PPP2R2C: variants seen among roughly 807,000 people sequenced by gnomAD.
PPP2R2C encodes the protein protein phosphatase 2 regulatory subunit Bgamma.
Under a neutral mutation model 45.3 loss-of-function variants are expected in PPP2R2C, and 10 were observed. The ratio of observed to expected loss-of-function variants is 0.22; its 90% confidence interval spans 0.14 to 0.37. The LOEUF (loss-of-function observed/expected upper bound fraction) is 0.37. Among genes scored for constraint, PPP2R2C ranks in the 10% least tolerant of loss-of-function variants. The pLI is 1.00. For missense variants in PPP2R2C, 308 were observed against 619.7 expected (o/e 0.50, Z 5.34); for synonymous variants, 257 against 245.4 (o/e 1.05, Z -0.44).
intron 1 of PPP2R2C, among the ~76,000 whole-genome samples, chr4:6,440,533 A>C (rs1178545509): frequency 6.6e-6 from 1 of 152,218 alleles, no homozygotes; most frequent in Admixed American, 6.5e-5. Flanking sequence ...GTGGGGACAC[A>C]GAGAGATGTA....
At chr4:6,402,050 G>A (rs1454570987) in intron 1 of PPP2R2C, among the ~76,000 whole-genome samples, 1 of 152,230 alleles carries the variant, frequency 6.6e-6, no homozygotes, top group African/African-American at 2.4e-5. Flanking sequence ...GGTTAATGAT[G>A]TGGTAAGGAT....
chr4:6,541,374 C>A (rs1178988903), intron 1 of PPP2R2C, among the ~76,000 whole-genome samples: 1 of 151,030 alleles, frequency 6.6e-6, no homozygotes, highest in African/African-American at 2.5e-5. Flanking sequence ...GAATACAGGT[C>A]AAGATTAATT....
intron 2 of PPP2R2C, among the ~76,000 whole-genome samples, chr4:6,531,398 C>T (rs1212801601): frequency 6.6e-6 from 1 of 152,152 alleles, no homozygotes; most frequent in East Asian, 1.9e-4. Context: ...TGCAGGAAGA[C>T]CACCAAGTGT....
intron 1 of PPP2R2C, among the ~76,000 whole-genome samples, chr4:6,544,392 G>A (rs1161989361): frequency 1.3e-5 from 2 of 152,106 alleles, no homozygotes; most frequent in Non-Finnish European, 2.9e-5. Context: ...GCCCAGGTTG[G>A]AGTGCAGTGG....
At chr4:6,454,558 G>C (rs894780368) in intron 1 of PPP2R2C, among the ~76,000 whole-genome samples, 2 of 152,172 alleles carry the variant, frequency 1.3e-5, no homozygotes, top group African/African-American at 4.8e-5. Flanking sequence ...AGTCCCCCCA[G>C]ATCAGTCCAC....
intron 2 of PPP2R2C, among the ~76,000 whole-genome samples, chr4:6,379,599 CTCTT>C (rs1350119027): frequency 2.6e-5 from 4 of 152,258 alleles, no homozygotes; most frequent in African/African-American, 9.6e-5. Flanking sequence ...CCAATCCGAT[CTCTT>C]TCTGCAGCTT....
intron 1 of PPP2R2C, among the ~76,000 whole-genome samples, chr4:6,448,447 AC>A (rs1249321393): frequency 1.3e-5 from 2 of 151,864 alleles, no homozygotes; most frequent in Non-Finnish European, 2.9e-5. Flanking sequence ...TCCTGCCCCC[AC>A]CAGGGCCGGC....
chr4:6,490,770 G>A (rs1255908061), intron 2 of PPP2R2C, among the ~76,000 whole-genome samples: 2 of 152,166 alleles, frequency 1.3e-5, no homozygotes, highest in Non-Finnish European at 2.9e-5. Flanking sequence ...CAGCCATGGC[G>A]AGAAGCCGAG....
intron 1 of PPP2R2C, 148 bp downstream of exon 1, chr4:6,472,012 G>A (rs866888778): frequency 1.0e-6 from 1 of 992,638 alleles, no homozygotes; most frequent in East Asian, 2.8e-5. Context: ...GGATGGGATG[G>A]GGTGGGGTGG....
chr4:6,542,703 A>AG, intron 1 of PPP2R2C, among the ~76,000 whole-genome samples: 1 of 115,796 alleles, frequency 8.6e-6, no homozygotes, highest in Non-Finnish European at 1.8e-5. Context: ...ACTCTGTCTC[A>AG]AAAAAAAAAA....
intron 1 of PPP2R2C, among the ~76,000 whole-genome samples, chr4:6,466,614 C>A (rs1721608356): frequency 6.6e-6 from 1 of 152,090 alleles, no homozygotes; most frequent in Non-Finnish European, 1.5e-5. Context: ...GGAGTTCACT[C>A]TCCTTCTCTT....
rs369504784 is a variant in PPP2R2C at position 6,342,204 on chromosome 4, ACATCAGTCTCTTCAAATGTT to A, written c.790+5622_790+5641del. Among the ~76,000 whole-genome samples the A allele has an allele frequency of 3.6e-3, 546 of 152,260 alleles. 17 individuals carry two copies. Among genetic ancestry groups the A allele is most frequent in the Admixed American group, 0.029 (450 of 15,292 alleles). ...TCACAAATGCATAAAATCCACGTAG[ACATCAGTCTCTTCAAATGTT>A]CATCAGCTGTTGATGTTACTGGTAA... On this transcript the variant is annotated intron_variant, in intron 6 of 8. Transcript: ENST00000382599.
At chr4:6,458,769 C>T in intron 1 of PPP2R2C, among the ~76,000 whole-genome samples, 1 of 152,268 alleles carries the variant, frequency 6.6e-6, no homozygotes. Context: ...TCTACTGACA[C>T]GTTGTGGGAT....
Position 6,381,051 on chromosome 4 carries a change from C to A in PPP2R2C, c.114G>T (p.Leu38=), listed in dbSNP as rs750778362. The A allele has an allele frequency of 1.3e-5, 20 of 1,585,032 alleles. No individual in the cohort carries two copies. Among genetic ancestry groups the A allele is most frequent in the Non-Finnish European group, 1.7e-5 (20 of 1,162,254 alleles). ...STVEFNHTGE[L]LATGDKGGRV... is the part of the protein sequence containing the mutation. ...GGCCGCCCTTGTCACCTGTGGCCAG[C>A]AGCTCTCCCGTGTGGTTGAACTCAA... The change falls in exon 2 of 9, where the codon CTG becomes CTT. Residue 38 remains leucine (L), a synonymous_variant. Transcript: ENST00000382599.
intron 1 of PPP2R2C, among the ~76,000 whole-genome samples, chr4:6,464,188 G>C (rs547321755): frequency 6.6e-6 from 1 of 152,364 alleles, no homozygotes; most frequent in East Asian, 1.9e-4. Flanking sequence ...CCAGCATATA[G>C]TATTATAGTA....
intron 5 of PPP2R2C, among the ~76,000 whole-genome samples, chr4:6,370,458 C>T (rs1041329998): frequency 6.6e-6 from 1 of 152,160 alleles, no homozygotes; most frequent in Non-Finnish European, 1.5e-5. Flanking sequence ...GGGTTGGGGG[C>T]GGAGCTGACT....
intron 1 of PPP2R2C, among the ~76,000 whole-genome samples, chr4:6,459,791 AC>A (rs1560564562): frequency 2.6e-5 from 4 of 152,036 alleles, no homozygotes; most frequent in Non-Finnish European, 5.9e-5. Flanking sequence ...TGTCACACAC[AC>A]ACAAAAAAAC....
At chr4:6,420,613 C>T (rs1031147683) in intron 1 of PPP2R2C, among the ~76,000 whole-genome samples, 1 of 152,232 alleles carries the variant, frequency 6.6e-6, no homozygotes, top group African/African-American at 2.4e-5. Flanking sequence ...GAAAGGGAAC[C>T]ACTGTTGGTT....
At chr4:6,327,973 AGCCCTCC>A (rs66472769) in intron 8 of PPP2R2C, among the ~76,000 whole-genome samples, 17,112 of 152,040 alleles carry the variant, frequency 0.11, 1,056 homozygotes, top group African/African-American at 0.17. Context: ...TGCCATGTCC[AGCCCTCC>A]CCTCATCCCA....
Sources: allele counts gnomAD v4.1 joint callset (sites outside exome capture counted in the v4.1 genomes callset), GRCh38; gene constraint gnomAD v4.1.1; transcripts MANE v1.5; gene names NCBI Gene and HGNC (gene_info 2026-07-23, HGNC 2026-07-21).